Variants in BAZ2B observed in about 807,000 individuals in gnomAD.
BAZ2B encodes bromodomain adjacent to zinc finger domain protein 2B.
A neutral mutation model predicts 246.0 loss-of-function variants in BAZ2B; 91 were observed. The observed-to-expected ratio is 0.37, with a 90% CI of 0.31 to 0.44. The LOEUF (loss-of-function observed/expected upper bound fraction) is 0.44, where lower values mean the gene tolerates loss of function less well. BAZ2B is among the 20% of genes least tolerant of loss of function. The pLI, the probability that BAZ2B is intolerant of heterozygous loss-of-function variation, is 1.00. For missense variants in BAZ2B, 2,332 were observed against 2,533.7 expected (o/e 0.92, Z 1.71); for synonymous variants, 855 against 860.0 (o/e 0.99, Z 0.10).
At chr2:159,697,478 CTT>C in the BAZ2B span, among the ~76,000 whole-genome samples, 1 of 152,118 alleles carries the variant, frequency 6.6e-6, no homozygotes, top group African/African-American at 2.4e-5. Context: ...ATGTAAAAGT[CTT>C]TTATGCAAAA....
At chr2:159,594,136 G>C (rs979636301) in intron 1 of BAZ2B, among the ~76,000 whole-genome samples, 1 of 152,182 alleles carries the variant, frequency 6.6e-6, no homozygotes, top group African/African-American at 2.4e-5. Flanking sequence ...GGGCGCGGTG[G>C]CTCACTCCTG....
chr2:159,519,466 A>C (rs374326276), intron 2 of BAZ2B, among the ~76,000 whole-genome samples: 1 of 148,106 alleles, frequency 6.8e-6, no homozygotes, highest in Non-Finnish European at 1.5e-5. Flanking sequence ...TCCTGACCTC[A>C]TGATCCACCC....
rs370585387 is a variant in BAZ2B at position 159,345,996 on chromosome 2, A to G, written c.5454+1490T>C. 2.6e-4 allele frequency among the ~76,000 whole-genome samples: 39 copies of G among 152,352 alleles called. No homozygotes were observed. The East Asian group carries it at 4.2e-3, about 17-fold the overall frequency. On this transcript the variant is annotated intron_variant, in intron 31 of 36. Coordinates refer to ENST00000392783, the MANE Select transcript of BAZ2B (RefSeq NM_013450.4). Reference sequence around the variant, plus strand: ...ACATAAGCGATCCAAAAACACATTAAAAAATTCTAGCACTAAATGGAATAA... The same window carrying G: ...ACATAAGCGATCCAAAAACACATTAGAAAATTCTAGCACTAAATGGAATAA...
At chr2:159,543,488 T>C (rs899220711) in intron 2 of BAZ2B, among the ~76,000 whole-genome samples, 5 of 151,728 alleles carry the variant, frequency 3.3e-5, no homozygotes, top group Non-Finnish European at 5.9e-5. Context: ...GCTTTTTATA[T>C]AAACAAATAG....
chr2:159,544,331 A>G lies in BAZ2B; in HGVS notation c.-3+11492T>C, dbSNP rs73008659. On this transcript the variant is annotated intron_variant, in intron 2 of 36. Transcript: ENST00000392783. ...GATTAGTACCTGGCGCACAGTGAGCACTCCACTAACATTAGCTCTTATTGT... is the reference window on the plus strand; with the variant it reads ...GATTAGTACCTGGCGCACAGTGAGCGCTCCACTAACATTAGCTCTTATTGT... Among the ~76,000 whole-genome samples the G allele has an allele frequency of 3.0e-3, 452 of 152,288 alleles. 1 individual carries two copies. Among genetic ancestry groups the G allele is most frequent in the African/African-American group, 0.01 (423 of 41,548 alleles).
Position 159,350,000 on chromosome 2 carries a change from T to G in BAZ2B, c.4571A>C (p.Asp1524Ala). 6.2e-7 allele frequency: 1 copy of G among 1,614,164 alleles called. No individual in the cohort carries two copies. Among genetic ancestry groups the G allele is most frequent in the African/African-American group, 1.3e-5 (1 of 75,036 alleles). Residue 1524 changes from aspartate (D) to alanine (A), a missense_variant, in exon 28 of 37, where the codon GAC becomes GCC. Physicochemically the swap from Asp to Ala is moderately radical, Grantham distance 126 (BLOSUM62 -2). Around this residue, in one of 9 missense-constraint regions of BAZ2B, gnomAD observed 676 missense variants for 668.6 expected, o/e 1.01. Coordinates refer to ENST00000392783, the MANE Select transcript of BAZ2B (RefSeq NM_013450.4). ...ACCAGTATTAAACAGATTATTAGAGTCTGCCTTTTCCACATTGCTTTGCGT... is the reference window on the plus strand; with the variant it reads ...ACCAGTATTAAACAGATTATTAGAGGCTGCCTTTTCCACATTGCTTTGCGT... The part of the protein sequence containing the change: ...TATQSNVEKA[D>A]SNNLFNTGSS...
intron 1 of BAZ2B, among the ~76,000 whole-genome samples, chr2:159,611,070 C>A (rs890458494): frequency 9.2e-5 from 14 of 151,736 alleles, no homozygotes; most frequent in African/African-American, 3.4e-4. Flanking sequence ...ATATTTATTA[C>A]CCATAATTTC....
rs751111983 is a variant in BAZ2B, at chr2:159,438,971, GAAT to G, written c.900+35_900+37del. 3 of 1,580,430 alleles carry G rather than the reference GAAT, an allele frequency of 1.9e-6. No homozygotes were observed. In the African/African-American group the frequency reaches 4.0e-5, roughly 21 times the overall value. On this transcript the variant is annotated intron_variant, in intron 7 of 36. Transcript: ENST00000392783. ...GATAAACCAGTTAATTCCTAAATAT[GAAT>G]AATGTTTGGATACTGTCCATGAAAA...
the BAZ2B span, chr2:159,690,254 TC>T: frequency 2.7e-6 from 1 of 366,024 alleles, no homozygotes; most frequent in South Asian, 2.5e-5. Context: ...AGAAAATAGA[TC>T]AGCCACTTTC....
intron 35 of BAZ2B, 142 bp from the exon 36 acceptor site, chr2:159,325,096 A>AT (rs1167646187): frequency 2.6e-3 from 7 of 2,648 alleles, no homozygotes; most frequent in African/African-American, 0.014. Context: ...TATATATTAT[A>AT]TATATATATA....
At chr2:159,588,930 T>C (rs547907964) in intron 1 of BAZ2B, among the ~76,000 whole-genome samples, 3 of 152,198 alleles carry the variant, frequency 2.0e-5, no homozygotes, top group Non-Finnish European at 2.9e-5. Context: ...GAGATATACA[T>C]AAGCAAAAAG....
intron 2 of BAZ2B, among the ~76,000 whole-genome samples, chr2:159,553,563 C>A (rs1046942666): frequency 1.3e-5 from 2 of 151,868 alleles, no homozygotes; most frequent in African/African-American, 4.8e-5. Context: ...CCGAGCAATG[C>A]TTTAATCAGA....
chr2:159,362,451 G>C (rs1250269900), intron 27 of BAZ2B, among the ~76,000 whole-genome samples: 1 of 152,176 alleles, frequency 6.6e-6, no homozygotes, highest in Admixed American at 6.5e-5. Context: ...TCGTCTCTTG[G>C]AGTGCTCTTG....
chr2:159,644,513 G>GA, the BAZ2B span, among the ~76,000 whole-genome samples: 1 of 152,222 alleles, frequency 6.6e-6, no homozygotes, highest in East Asian at 1.9e-4. Flanking sequence ...CCTTAGGCTA[G>GA]TGCTGGTAGT....
the BAZ2B span, among the ~76,000 whole-genome samples, chr2:159,631,114 T>G: frequency 2.0e-5 from 3 of 152,150 alleles, no homozygotes; most frequent in Admixed American, 6.5e-5. Context: ...GAGGACTGCT[T>G]GAGCCCAGGA....
intron 2 of BAZ2B, among the ~76,000 whole-genome samples, chr2:159,514,424 T>C (rs2083238479): frequency 1.3e-5 from 2 of 152,196 alleles, no homozygotes; most frequent in Admixed American, 1.3e-4. Context: ...GCAGGCTCCT[T>C]GAGACAAGGG....
At chr2:159,332,823 A>C in intron 33 of BAZ2B, 137 bp from the exon 34 acceptor site, 1 of 978,406 alleles carries the variant, frequency 1.0e-6, no homozygotes, top group Non-Finnish European at 1.5e-6. Context: ...GTAGCCATAC[A>C]CATCTATGTA....
At chr2:159,419,044 T>G (rs1002468294) in intron 13 of BAZ2B, among the ~76,000 whole-genome samples, 2 of 152,236 alleles carry the variant, frequency 1.3e-5, no homozygotes, top group Non-Finnish European at 2.9e-5. Flanking sequence ...TAAATAATTT[T>G]CAGTAAATTT....
At chr2:159,472,385 CA>C (rs1426239771) in intron 3 of BAZ2B, among the ~76,000 whole-genome samples, 2 of 152,172 alleles carry the variant, frequency 1.3e-5, no homozygotes, top group African/African-American at 4.8e-5. Context: ...ATGTCATCTG[CA>C]AACAGAGACA....
Sources: allele counts gnomAD v4.1 joint callset (sites outside exome capture counted in the v4.1 genomes callset), GRCh38; gene constraint gnomAD v4.1.1; regional missense constraint gnomAD v4.1.1; transcripts MANE v1.5; gene names NCBI Gene and HGNC (gene_info 2026-07-23, HGNC 2026-07-21).